GRK5: variants seen among roughly 807,000 people sequenced by gnomAD.
The protein encoded by GRK5 is g protein-coupled receptor kinase GRK5.
A neutral mutation model predicts 78.4 loss-of-function variants in GRK5; 40 were observed. That is an observed-to-expected ratio of 0.51 (90% CI 0.40 to 0.66). The LOEUF is 0.66. Among genes scored for constraint, GRK5 ranks in the 30% least tolerant of loss-of-function variants. The probability of loss-of-function intolerance (pLI) is 0.00; values close to 1 mark genes in which losing one functional copy is unlikely to be tolerated. For missense variants in GRK5, 598 were observed against 759.9 expected (o/e 0.79, Z 2.50); for synonymous variants, 289 against 296.8 (o/e 0.97, Z 0.27).
chr10:119,315,034 G>A (rs1850460494), intron 1 of GRK5, among the ~76,000 whole-genome samples: 1 of 152,202 alleles, frequency 6.6e-6, no homozygotes, highest in Non-Finnish European at 1.5e-5. Flanking sequence ...CCCATCGTCT[G>A]TCTCACTTAT....
chr10:119,325,385 C>T (rs988020860), intron 1 of GRK5, among the ~76,000 whole-genome samples: 1 of 152,100 alleles, frequency 6.6e-6, no homozygotes, highest in Non-Finnish European at 1.5e-5. Context: ...GAGCTGAGTG[C>T]CACTGGGCTC....
At chr10:119,259,891 G>A (rs1348161389) in intron 1 of GRK5, among the ~76,000 whole-genome samples, 1 of 152,168 alleles carries the variant, frequency 6.6e-6, no homozygotes, top group Non-Finnish European at 1.5e-5. Context: ...TGGCGATTAT[G>A]AATAAAGCCA....
intron 1 of GRK5, among the ~76,000 whole-genome samples, chr10:119,297,854 A>G (rs1850109676): frequency 6.6e-6 from 1 of 152,238 alleles, no homozygotes; most frequent in African/African-American, 2.4e-5. Context: ...TTATAGCAAC[A>G]CAAAACAGAC....
At chr10:119,386,865 G>T (rs942703808) in intron 3 of GRK5, among the ~76,000 whole-genome samples, 2 of 152,200 alleles carry the variant, frequency 1.3e-5, no homozygotes, top group Non-Finnish European at 2.9e-5. Flanking sequence ...TAGCGCCCCG[G>T]GTGCTGCCTG....
At chr10:119,377,437 G>A (rs1217106828) in intron 2 of GRK5, among the ~76,000 whole-genome samples, 1 of 152,136 alleles carries the variant, frequency 6.6e-6, no homozygotes, top group Non-Finnish European at 1.5e-5. Flanking sequence ...GTTGCACTAG[G>A]GATGATTTTG....
chr10:119,288,228 G>A (rs10886438), intron 1 of GRK5, among the ~76,000 whole-genome samples: 33,072 of 152,156 alleles, frequency 0.22, 3,751 homozygotes, highest in South Asian at 0.29. Context: ...GGGGAAGGCC[G>A]TGGCTTACCG....
chr10:119,439,645 A>G, intron 9 of GRK5, 86 bp from the exon 10 acceptor site: 1 of 1,333,496 alleles, frequency 7.5e-7, no homozygotes. Context: ...CTCAGGCCTG[A>G]TTAGCCCGAG....
At position 119,433,954 on chromosome 10, in the gene GRK5, G is replaced by A. The variant is rs374961868; in HGVS notation, c.738+2427G>A. 2.0e-5 allele frequency among the ~76,000 whole-genome samples: 3 copies of A among 152,316 alleles called. No homozygotes were observed. In the East Asian group the frequency reaches 5.8e-4, roughly 29 times the overall value. On this transcript the variant is annotated intron_variant, in intron 8 of 15. Transcript: ENST00000392870. ...GTTTGATGGACTTATGGTTCCATGT[G>A]GCTGGGGAGGCCTCACAATCATGGT...
chr10:119,280,028 G>A lies in GRK5; in HGVS notation c.53-46488G>A, dbSNP rs188944650. 8.5e-5 allele frequency among the ~76,000 whole-genome samples: 13 copies of A among 152,210 alleles called. No individual in the cohort carries two copies. In the East Asian group the frequency reaches 2.1e-3, roughly 25 times the overall value. ...TGCCCAGAGTATTGCACTGGGGCCAGAATGGGAAGAGCCCTGAATACAAGA... is the reference window on the plus strand; with the variant it reads ...TGCCCAGAGTATTGCACTGGGGCCAAAATGGGAAGAGCCCTGAATACAAGA... On this transcript the variant is annotated intron_variant, in intron 1 of 15. Coordinates refer to ENST00000392870, the MANE Select transcript of GRK5 (RefSeq NM_005308.3).
At chr10:119,272,944 C>T (rs1191124327) in intron 1 of GRK5, among the ~76,000 whole-genome samples, 1 of 152,224 alleles carries the variant, frequency 6.6e-6, no homozygotes, top group Admixed American at 6.5e-5. Flanking sequence ...AGGCTTCAAG[C>T]AGAAGCTGGC....
At chr10:119,453,070 C>T in intron 14 of GRK5, 75 bp from the exon 15 acceptor site, 1 of 975,452 alleles carries the variant, frequency 1.0e-6, no homozygotes, top group East Asian at 2.4e-5. Context: ...GGGGAGGGAG[C>T]CCCAGTGGCT....
At chr10:119,229,905 G>C (rs1380635384) in intron 1 of GRK5, among the ~76,000 whole-genome samples, 1 of 152,196 alleles carries the variant, frequency 6.6e-6, no homozygotes, top group Non-Finnish European at 1.5e-5. Flanking sequence ...TGACAAATCT[G>C]ACAGGCTAAG....
At chr10:119,368,933 G>A (rs1031683903) in intron 2 of GRK5, among the ~76,000 whole-genome samples, 4 of 152,200 alleles carry the variant, frequency 2.6e-5, no homozygotes, top group African/African-American at 7.2e-5. Context: ...TCAGGAGAAC[G>A]TGGGCTGGAG....
chr10:119,212,447 T>G lies in GRK5; in HGVS notation c.52+4478T>G, dbSNP rs148345148. ...AGAAGCTATAACTCTTATAGTGGCTTGCTAAATGATACCCTTTGGATCTGG... is the reference window on the plus strand; with the variant it reads ...AGAAGCTATAACTCTTATAGTGGCTGGCTAAATGATACCCTTTGGATCTGG... On this transcript the variant is annotated intron_variant, in intron 1 of 15. Coordinates refer to ENST00000392870, the MANE Select transcript of GRK5 (RefSeq NM_005308.3). Among the ~76,000 whole-genome samples, 200 of 152,326 alleles carry G rather than the reference T, an allele frequency of 1.3e-3. 2 individuals are homozygous for G. Among genetic ancestry groups the G allele is most frequent in the African/African-American group, 4.5e-3 (188 of 41,568 alleles).
chr10:119,360,430 TCTGTGTGAGTGGGAGGAGC>T (rs947025280), intron 2 of GRK5, among the ~76,000 whole-genome samples: 3 of 149,814 alleles, frequency 2.0e-5, no homozygotes, highest in African/African-American at 2.5e-5. Context: ...GTGGGAAGAG[TCTGTGTGAGTGGGAGGAGC>T]CTGTGTGAGT....
At chr10:119,277,334 C>T (rs552562008) in intron 1 of GRK5, among the ~76,000 whole-genome samples, 4 of 152,212 alleles carry the variant, frequency 2.6e-5, no homozygotes, top group Admixed American at 2.0e-4. Flanking sequence ...TTGTGGAGGA[C>T]GCGAAGGGGT....
chr10:119,218,098 G>A (rs1848604958), intron 1 of GRK5, among the ~76,000 whole-genome samples: 1 of 151,924 alleles, frequency 6.6e-6, no homozygotes, highest in Admixed American at 6.6e-5. Flanking sequence ...GTGTGTGTGT[G>A]TGTGTTGCGT....
chr10:119,401,278 G>C (rs1315338458), intron 4 of GRK5, among the ~76,000 whole-genome samples: 1 of 152,224 alleles, frequency 6.6e-6, no homozygotes, highest in Non-Finnish European at 1.5e-5. Context: ...TCACCACGGA[G>C]GACGCCCTAC....
intron 3 of GRK5, among the ~76,000 whole-genome samples, chr10:119,384,190 C>T (rs999316996): frequency 2.0e-5 from 3 of 152,196 alleles, no homozygotes; most frequent in Non-Finnish European, 4.4e-5. Flanking sequence ...ATCCTCCCCA[C>T]AGTCCCATTT....
Sources: allele counts gnomAD v4.1 joint callset (sites outside exome capture counted in the v4.1 genomes callset), GRCh38; gene constraint gnomAD v4.1.1; transcripts MANE v1.5; gene names NCBI Gene and HGNC (gene_info 2026-07-23, HGNC 2026-07-21).